The following ROCK1 variants were observed in gnomAD, a reference collection of about 807,000 sequenced individuals.
ROCK1 encodes the protein Rho associated coiled-coil containing protein kinase 1.
A neutral mutation model predicts 196.8 loss-of-function variants in ROCK1; 36 were observed. The ratio of observed to expected loss-of-function variants is 0.18; its 90% CI spans 0.14 to 0.24. The LOEUF (loss-of-function observed/expected upper bound fraction) is 0.24, where lower values mean the gene tolerates loss of function less well. ROCK1 is among the 10% of genes least tolerant of loss of function. The probability of loss-of-function intolerance (pLI) is 1.00; values close to 1 mark genes in which losing one functional copy is unlikely to be tolerated. For synonymous variants in ROCK1, 443 were observed against 515.9 expected (o/e 0.86, Z 1.91); for missense variants, 920 against 1,562.0 (o/e 0.59, Z 6.93).
At chr18:20,985,507 A>T (rs1344460651) in intron 19 of ROCK1, among the ~76,000 whole-genome samples, 3 of 152,220 alleles carry the variant, frequency 2.0e-5, no homozygotes, top group Non-Finnish European at 4.4e-5. Flanking sequence ...AAATGTGATT[A>T]GTAATACACC....
chr18:21,022,428 C>T (rs1330800804), intron 11 of ROCK1, among the ~76,000 whole-genome samples: 1 of 152,080 alleles, frequency 6.6e-6, no homozygotes, highest in Non-Finnish European at 1.5e-5. Flanking sequence ...TCTCCATTTC[C>T]CCCATTCCCT....
Position 20,968,092 on chromosome 18 carries a change from C to CAA in ROCK1, c.3004-154_3004-153dup, listed in dbSNP as rs2035391020. ...GGTTGAGACATGATAACTGGTAGCA[C>CAA]AAGTAACTAACACTGACTTATCACA... is the stretch of plus-strand genomic sequence containing the variant. On this transcript the variant is annotated intron_variant, in intron 25 of 32. Coordinates refer to ENST00000399799, the MANE Select transcript of ROCK1 (RefSeq NM_005406.3). The CAA allele has an allele frequency of 4.2e-6, 3 of 721,652 alleles. No individual in the cohort carries two copies. The Admixed American group carries it at 1.0e-4, about 25-fold the overall frequency. The allele number at this position is 721,652 out of a possible 1,614,324, so 44.7% of individuals were successfully genotyped here.
At chr18:21,100,948 C>T (rs1304936277) in intron 1 of ROCK1, among the ~76,000 whole-genome samples, 1 of 152,194 alleles carries the variant, frequency 6.6e-6, no homozygotes, top group African/African-American at 2.4e-5. Context: ...TGTACCATCC[C>T]TACCAGTTTC....
At chr18:21,000,082 A>C (rs1232616857) in intron 16 of ROCK1, among the ~76,000 whole-genome samples, 10 of 152,246 alleles carry the variant, frequency 6.6e-5, no homozygotes, top group Admixed American at 1.3e-4. Flanking sequence ...TACGTAAAAC[A>C]TACTGAAGAA....
At chr18:21,086,413 G>A (rs1177955217) in intron 1 of ROCK1, among the ~76,000 whole-genome samples, 1 of 152,026 alleles carries the variant, frequency 6.6e-6, no homozygotes, top group African/African-American at 2.4e-5. Flanking sequence ...CGCCCAGCCT[G>A]AAAATAATTT....
intron 12 of ROCK1, among the ~76,000 whole-genome samples, chr18:21,016,581 G>A (rs1196046268): frequency 6.6e-6 from 1 of 152,066 alleles, no homozygotes; most frequent in Non-Finnish European, 1.5e-5. Context: ...ATTTTCACGT[G>A]GATGTCTCAT....
intron 1 of ROCK1, among the ~76,000 whole-genome samples, chr18:21,078,467 TG>T (rs908497658): frequency 1.4e-4 from 21 of 151,950 alleles, no homozygotes; most frequent in African/African-American, 4.6e-4. Context: ...AAGGGTCCTT[TG>T]GAAGGTTTTT....
intron 12 of ROCK1, among the ~76,000 whole-genome samples, chr18:21,017,987 CA>C (rs926198648): frequency 2.5e-4 from 36 of 145,230 alleles, no homozygotes; most frequent in Admixed American, 6.9e-4. Context: ...AAAATAAAAA[CA>C]AAAAAAAAAT....
At chr18:21,058,388 T>C (rs745701132) in intron 2 of ROCK1, among the ~76,000 whole-genome samples, 1 of 152,140 alleles carries the variant, frequency 6.6e-6, no homozygotes, top group Non-Finnish European at 1.5e-5. Context: ...TCAAAAATGT[T>C]CAAAGTTTTT....
chr18:21,098,712 GAGA>G (rs2036632614), intron 1 of ROCK1, among the ~76,000 whole-genome samples: 1 of 150,142 alleles, frequency 6.7e-6, no homozygotes, highest in African/African-American at 2.4e-5. Context: ...TCTAAAAACT[GAGA>G]AGAAAAACAA....
At chr18:21,042,013 G>C (rs1299545245) in intron 8 of ROCK1, 84 bp downstream of exon 8, 1 of 1,214,306 alleles carries the variant, frequency 8.2e-7, no homozygotes, top group African/African-American at 1.6e-5. Flanking sequence ...TTTACATGTA[G>C]AAGCTCAGAT....
intron 19 of ROCK1, among the ~76,000 whole-genome samples, chr18:20,984,949 C>T (rs2035564969): frequency 6.6e-6 from 1 of 151,692 alleles, no homozygotes; most frequent in Non-Finnish European, 1.5e-5. Flanking sequence ...CCTGTCTCTA[C>T]AAAAAAATAC....
At position 21,111,214 on chromosome 18, in the gene ROCK1, T is replaced by G. The variant is rs1880363434; in HGVS notation, c.-304A>C. Reference sequence around the variant, plus strand: ...TCGTCGCTCCGGCGAGGTGCTTCAGTCTAGCGGGCCCCGGCCGCCGTCGCC... The same window carrying G: ...TCGTCGCTCCGGCGAGGTGCTTCAGGCTAGCGGGCCCCGGCCGCCGTCGCC... On this transcript the variant is annotated 5_prime_UTR_variant, in exon 1 of 33. Coordinates refer to ENST00000399799, the MANE Select transcript of ROCK1 (RefSeq NM_005406.3). The surrounding 1 kb of genome is among the most constrained non-coding windows in gnomAD (Gnocchi z 4.2). The G allele has an allele frequency of 1.9e-6, 1 of 516,790 alleles. No individual in the cohort carries two copies. The highest frequency in any genetic ancestry group is 3.4e-6 in the Non-Finnish European group (1 of 295,424). The allele number at this position is 516,790 out of a possible 1,614,324, so 32.0% of individuals were successfully genotyped here. A position where few individuals can be genotyped will look rare whatever the true frequency, so the allele number is the denominator to read the frequency against.
chr18:21,005,642 C>G (rs1238266301), intron 16 of ROCK1, among the ~76,000 whole-genome samples: 1 of 152,068 alleles, frequency 6.6e-6, no homozygotes, highest in Non-Finnish European at 1.5e-5. Context: ...TTTGGGAGGT[C>G]GAGGTGGGCG....
intron 29 of ROCK1, among the ~76,000 whole-genome samples, chr18:20,958,337 T>C (rs901273409): frequency 2.0e-5 from 3 of 152,116 alleles, no homozygotes; most frequent in Non-Finnish European, 4.4e-5. Context: ...CTTTATTTTA[T>C]ATATATATTT....
At chr18:21,025,149 C>T (rs941003010) in intron 10 of ROCK1, among the ~76,000 whole-genome samples, 2 of 152,162 alleles carry the variant, frequency 1.3e-5, no homozygotes, top group African/African-American at 4.8e-5. Flanking sequence ...CACCTTCTGT[C>T]TTTTCTCTAT....
At chr18:20,978,267 T>G (rs2035498579) in intron 22 of ROCK1, among the ~76,000 whole-genome samples, 1 of 150,946 alleles carries the variant, frequency 6.6e-6, no homozygotes, top group Non-Finnish European at 1.5e-5. Context: ...ACCTAATGTA[T>G]TAAGGATCTA....
chr18:21,044,981 C>T, intron 5 of ROCK1: 1 of 188,248 alleles, frequency 5.3e-6, no homozygotes, highest in Non-Finnish European at 1.1e-5. Flanking sequence ...CCACCTTAGC[C>T]TCCCAAGGAG....
intron 22 of ROCK1, among the ~76,000 whole-genome samples, chr18:20,976,379 C>T (rs1012781996): frequency 1.3e-5 from 2 of 152,114 alleles, no homozygotes; most frequent in African/African-American, 4.8e-5. Context: ...GATCCAGACA[C>T]ACATACACAA....
Sources: allele counts gnomAD v4.1 joint callset (sites outside exome capture counted in the v4.1 genomes callset), GRCh38; gene constraint gnomAD v4.1.1; non-coding constraint Gnocchi (gnomAD v3.1); transcripts MANE v1.5; gene names NCBI Gene and HGNC (gene_info 2026-07-23, HGNC 2026-07-21).